KIAA0232: variants seen among roughly 807,000 people sequenced by gnomAD.
The protein encoded by KIAA0232 is KIAA0232.
In KIAA0232, 27 loss-of-function variants were observed where a neutral mutation model predicts 122.0. That is an observed-to-expected ratio of 0.22 (90% confidence interval 0.16 to 0.31). The LOEUF is 0.31. Among genes scored for constraint, KIAA0232 ranks in the 10% least tolerant of loss-of-function variants. The pLI is 1.00. For missense variants in KIAA0232, 1,551 were observed against 1,634.2 expected, an observed-to-expected ratio of 0.95 and a Z score of 0.88; for synonymous variants, 613 against 587.6, an observed-to-expected ratio of 1.04 and a Z score of -0.63.
chr4:6,879,732 CCA>C (rs1721952736), intron 9 of KIAA0232, among the ~76,000 whole-genome samples: 1 of 152,098 alleles, frequency 6.6e-6, no homozygotes, highest in Non-Finnish European at 1.5e-5. Context: ...CAGTCCGACA[CCA>C]CAGAGTGTTG....
In KIAA0232 at chr4:6,881,743, G is replaced by A. The variant is rs1453528508; in HGVS notation, c.*777G>A. The A allele has an allele frequency of 6.6e-6, 1 of 152,562 alleles. No homozygotes were observed. The highest frequency in any genetic ancestry group is 2.4e-5 in the African/African-American group (1 of 41,406). The allele number at this position is 152,562 out of a possible 1,614,324, so 9.5% of individuals were successfully genotyped here. ...ACATTTACACCAAAACCCCATGCAG[G>A]GTTCTTTGTGGTGAGTGTTCCATAC... is the stretch of plus-strand genomic sequence containing the variant. On this transcript the variant is annotated 3_prime_UTR_variant, in exon 10 of 10. Transcript: ENST00000307659.
At chr4:6,845,215 G>A (rs1719887369) in intron 4 of KIAA0232, among the ~76,000 whole-genome samples, 1 of 152,208 alleles carries the variant, frequency 6.6e-6, no homozygotes, top group Non-Finnish European at 1.5e-5. Context: ...AATCAGGCTT[G>A]AGCCAGCCTG....
At chr4:6,800,180 C>T (rs1247260999) in intron 1 of KIAA0232, among the ~76,000 whole-genome samples, 1 of 147,600 alleles carries the variant, frequency 6.8e-6, no homozygotes, top group African/African-American at 2.5e-5. Flanking sequence ...GCCTCAGCCT[C>T]CCGAGTAGCT....
At chr4:6,859,884 A>C (rs1720764940) in intron 6 of KIAA0232, among the ~76,000 whole-genome samples, 1 of 152,202 alleles carries the variant, frequency 6.6e-6, no homozygotes, top group African/African-American at 2.4e-5. Flanking sequence ...TCTCATTTTC[A>C]AGCCCCCTGA....
At chr4:6,856,271 G>T (rs1368563370) in intron 4 of KIAA0232, among the ~76,000 whole-genome samples, 1 of 152,138 alleles carries the variant, frequency 6.6e-6, no homozygotes, top group Non-Finnish European at 1.5e-5. Context: ...CATCTGTTTG[G>T]GTTATGCCCA....
At position 6,811,747 on chromosome 4, in the gene KIAA0232, A is replaced by ATT. The variant is rs10709832; in HGVS notation, c.-270+7165_-270+7166dup. ...GGTGTGAGCCACTGTGCCTGGCCTAATTTTTTTTTTTTTTTTTTTTTTTTT... is the reference window on the plus strand; with the variant it reads ...GGTGTGAGCCACTGTGCCTGGCCTAATTTTTTTTTTTTTTTTTTTTTTTTTTT... On this transcript the variant is annotated intron_variant, in intron 2 of 9. Transcript: ENST00000307659. 4.9e-3 allele frequency among the ~76,000 whole-genome samples: 513 copies of ATT among 103,844 alleles called. 1 individual carries two copies. Among genetic ancestry groups the ATT allele is most frequent in the Non-Finnish European group, 7.8e-3 (409 of 52,562 alleles). 68.1% of individuals were successfully genotyped at this position (103,844 alleles called of 152,430 possible).
chr4:6,882,862 T>C lies in KIAA0232; in HGVS notation c.*1896T>C, dbSNP rs1412985083. On this transcript the variant is annotated 3_prime_UTR_variant, in exon 10 of 10. Coordinates refer to ENST00000307659, the MANE Select transcript of KIAA0232 (RefSeq NM_014743.3). Reference sequence around the variant, plus strand: ...TGACGATTATTCTAGAAATCGTTGCTTGTGTAGCAAAGACCAAATAAATAG... The same window carrying C: ...TGACGATTATTCTAGAAATCGTTGCCTGTGTAGCAAAGACCAAATAAATAG... 1 of 152,670 alleles carries C rather than the reference T, an allele frequency of 6.6e-6. No homozygotes were observed. Among genetic ancestry groups the C allele is most frequent in the Non-Finnish European group, 1.5e-5 (1 of 68,036 alleles). The allele number at this position is 152,670 out of a possible 1,614,324, so 9.5% of individuals were successfully genotyped here.
chr4:6,810,641 C>T (rs1290010877), intron 2 of KIAA0232, among the ~76,000 whole-genome samples: 1 of 152,158 alleles, frequency 6.6e-6, no homozygotes, highest in African/African-American at 2.4e-5. Flanking sequence ...ATTGAAGAGA[C>T]AGCCTGTAGA....
intron 4 of KIAA0232, among the ~76,000 whole-genome samples, chr4:6,842,869 A>G (rs1002976144): frequency 6.6e-6 from 1 of 152,136 alleles, no homozygotes; most frequent in African/African-American, 2.4e-5. Flanking sequence ...GATTATAGGC[A>G]TGAGCCATCG....
Position 6,862,784 on chromosome 4 carries a change from A to G in KIAA0232, c.2402A>G (p.Glu801Gly), listed in dbSNP as rs1268824260. The change falls in exon 7 of 10, where the codon GAA (glutamate) becomes GGA (glycine). Residue 801 changes from glutamate (E) to glycine (G), a missense_variant. Physicochemically the swap from Glu to Gly is moderately conservative, Grantham distance 98 (BLOSUM62 -2). Coordinates refer to ENST00000307659, the MANE Select transcript of KIAA0232 (RefSeq NM_014743.3). Reference sequence around the variant, plus strand: ...GGTATTCAGCTAGAACAAAAAACAGAAAACAAAAATTTTGAAACTACACAA... The same window carrying G: ...GGTATTCAGCTAGAACAAAAAACAGGAAACAAAAATTTTGAAACTACACAA... ...VCGIQLEQKT[E>G]NKNFETTQVC... 1.2e-6 allele frequency: 2 copies of G among 1,614,144 alleles called. No individual in the cohort carries two copies. Among genetic ancestry groups the G allele is most frequent in the South Asian group, 2.2e-5 (2 of 91,058 alleles).
At chr4:6,823,273 T>C (rs1577374007) in intron 2 of KIAA0232, among the ~76,000 whole-genome samples, 1 of 152,150 alleles carries the variant, frequency 6.6e-6, no homozygotes, top group Admixed American at 6.5e-5. Flanking sequence ...GCATGATTTA[T>C]AGTCCTTTGG....
chr4:6,858,542 T>C (rs750836475), intron 6 of KIAA0232, 36 bp downstream of exon 6: 75 of 1,401,672 alleles, frequency 5.4e-5, no homozygotes, highest in Middle Eastern at 3.6e-4. Flanking sequence ...AAGTGTGCAT[T>C]TGTTAAAATC....
chr4:6,827,276 C>T (rs935758809), intron 3 of KIAA0232, among the ~76,000 whole-genome samples: 2 of 152,158 alleles, frequency 1.3e-5, no homozygotes, highest in African/African-American at 4.8e-5. Context: ...AAGCCAGATG[C>T]CTGACTCAAA....
At chr4:6,802,117 A>G in intron 1 of KIAA0232, among the ~76,000 whole-genome samples, 1 of 152,250 alleles carries the variant, frequency 6.6e-6, no homozygotes. Context: ...AATGTTGATT[A>G]GGGCTTGCTC....
intron 2 of KIAA0232, among the ~76,000 whole-genome samples, chr4:6,805,302 A>G (rs1023766211): frequency 6.6e-6 from 1 of 152,202 alleles, no homozygotes; most frequent in Non-Finnish European, 1.5e-5. Context: ...TGAGTTCTCT[A>G]GTGTGTATCT....
intron 2 of KIAA0232, among the ~76,000 whole-genome samples, chr4:6,807,036 ATC>A (rs1717651377): frequency 5.7e-5 from 2 of 35,224 alleles, no homozygotes; most frequent in African/African-American, 1.5e-4. Context: ...CTGTCTGTCT[ATC>A]TATCTATCTA....
Position 6,883,152 on chromosome 4 carries a change from CAAAG to C in KIAA0232, c.*2190_*2193del, listed in dbSNP as rs1297484799. The stretch of plus-strand genomic sequence containing the variant: ...TTTTAGTTTTGTGAATGGATGATCA[CAAAG>C]AAAAAGCATTTTTAAAAAGTTGGCA... On this transcript the variant is annotated 3_prime_UTR_variant, in exon 10 of 10. Transcript: ENST00000307659. The C allele has an allele frequency of 2.0e-5, 3 of 152,596 alleles. No individual in the cohort carries two copies. Among genetic ancestry groups the C allele is most frequent in the Non-Finnish European group, 4.4e-5 (3 of 68,008 alleles). The allele number at this position is 152,596 out of a possible 1,614,324, so 9.5% of individuals were successfully genotyped here.
intron 4 of KIAA0232, among the ~76,000 whole-genome samples, chr4:6,847,175 T>C (rs1027222497): frequency 6.6e-6 from 1 of 152,070 alleles, no homozygotes; most frequent in Non-Finnish European, 1.5e-5. Flanking sequence ...GTGGCTATTA[T>C]GTGTGTGTGT....
intron 2 of KIAA0232, among the ~76,000 whole-genome samples, chr4:6,815,854 G>A (rs1036673066): frequency 1.3e-5 from 2 of 152,160 alleles, no homozygotes; most frequent in African/African-American, 4.8e-5. Flanking sequence ...AACCAGCTTT[G>A]AGATCATGTG....
Sources: gnomAD v4.1 joint callset for allele counts (sites outside exome capture counted in the v4.1 genomes callset) on GRCh38, gnomAD v4.1.1 for gene constraint, MANE v1.5 for transcripts, NCBI Gene and HGNC (gene_info 2026-07-23, HGNC 2026-07-21) for gene names.